Variants in ZFR2 observed in about 807,000 individuals in gnomAD.
The protein encoded by ZFR2 is zinc finger RNA binding protein 2.
Under a neutral mutation model 105.7 loss-of-function variants are expected in ZFR2, and 104 were observed. The observed-to-expected ratio is 0.98, with a 90% CI of 0.84 to 1.16. The LOEUF (loss-of-function observed/expected upper bound fraction) is 1.16. Among genes scored for constraint, ZFR2 ranks in the 50% most tolerant of loss-of-function variants. The pLI, the probability that ZFR2 is intolerant of heterozygous loss-of-function variation, is 0.00. For synonymous variants in ZFR2, 634 were observed against 597.7 expected (o/e 1.06, Z -0.89); for missense variants, 1,425 against 1,355.5 (o/e 1.05, Z -0.80).
chr19:3,865,630 C>T (rs1169057110), intron 1 of ZFR2, among the ~76,000 whole-genome samples: 2 of 152,088 alleles, frequency 1.3e-5, no homozygotes, highest in East Asian at 1.9e-4. Flanking sequence ...AGTGCTGGAG[C>T]GACAGGCATG....
rs577623813 is a variant in ZFR2, at chr19:3,858,674, C to T, written c.53+10291G>A. 1.4e-4 allele frequency among the ~76,000 whole-genome samples: 21 copies of T among 152,212 alleles called. No homozygotes were observed. The Middle Eastern group carries it at 0.01, about 74-fold the overall frequency. On this transcript the variant is annotated intron_variant, in intron 1 of 18. Transcript: ENST00000262961. This position sits in a 1 kb window ranked among gnomAD's most constrained non-coding sequence, Gnocchi z 4.3. ...CTCTACTAAAAATACAAAAATCAAC[C>T]GGGCATGGTGGTGCATGCCTGAAAT...
chr19:3,859,156 G>A (rs1159642341), intron 1 of ZFR2, among the ~76,000 whole-genome samples: 1 of 152,188 alleles, frequency 6.6e-6, no homozygotes, highest in African/African-American at 2.4e-5. Flanking sequence ...GCAGAGGAAC[G>A]TGGAAGGACT....
chr19:3,863,195 G>A (rs373288621), intron 1 of ZFR2, among the ~76,000 whole-genome samples: 8 of 152,310 alleles, frequency 5.3e-5, no homozygotes, highest in South Asian at 2.1e-4. Flanking sequence ...TTCTGAAGCC[G>A]GTTGCAGCCA....
At position 3,813,967 on chromosome 19, in the gene ZFR2, G is replaced by A. The variant is rs950899484; in HGVS notation, c.2104-9C>T. The A allele has an allele frequency of 3.1e-6, 5 of 1,613,390 alleles. No homozygotes were observed. Among genetic ancestry groups the A allele is most frequent in the Admixed American group, 1.7e-5 (1 of 59,912 alleles). Reference sequence around the variant, plus strand: ...TCATCCTCGGTCACCATCTGGGAGGGGTAAATACAACACAAGGCCACCTTA... The same window carrying A: ...TCATCCTCGGTCACCATCTGGGAGGAGTAAATACAACACAAGGCCACCTTA... On this transcript the variant is annotated splice_polypyrimidine_tract_variant and intron_variant, in intron 13 of 18. Coordinates refer to ENST00000262961, the MANE Select transcript of ZFR2 (RefSeq NM_015174.2). This position sits in a 1 kb window ranked among gnomAD's most constrained non-coding sequence, Gnocchi z 4.4.
chr19:3,850,854 G>A (rs530335315), intron 1 of ZFR2, among the ~76,000 whole-genome samples: 2 of 142,476 alleles, frequency 1.4e-5, no homozygotes, highest in South Asian at 4.8e-4. Flanking sequence ...GCAGTGAGCT[G>A]TGATCTCACC....
intron 13 of ZFR2, 140 bp from the exon 14 acceptor site, chr19:3,814,098 C>T: frequency 7.7e-7 from 1 of 1,303,954 alleles, no homozygotes; most frequent in South Asian, 1.4e-5. Context: ...GCCCTGTGCC[C>T]TGTGTCTGGA....
At chr19:3,807,747 T>TGTCG (rs1052912601) in intron 17 of ZFR2, among the ~76,000 whole-genome samples, 1 of 149,236 alleles carries the variant, frequency 6.7e-6, no homozygotes, top group Non-Finnish European at 1.5e-5. Context: ...CATGTGTGCC[T>TGTCG]GTGCATGCAT....
At chr19:3,819,852 C>CAAAAGAAAAAAAA (rs373530026) in intron 11 of ZFR2, among the ~76,000 whole-genome samples, 39 of 138,682 alleles carry the variant, frequency 2.8e-4, no homozygotes, top group African/African-American at 3.8e-4. Flanking sequence ...GACTCTGTCT[C>CAAAAGAAAAAAAA]AAAAAAAAAT....
chr19:3,832,798 G>A (rs1028349274), intron 3 of ZFR2, among the ~76,000 whole-genome samples: 5 of 151,736 alleles, frequency 3.3e-5, no homozygotes, highest in African/African-American at 7.3e-5. Flanking sequence ...ACCATGCCTG[G>A]CTAATTTTTT....
In ZFR2 at chr19:3,823,428, A is replaced by G. The variant is rs1337362887; in HGVS notation, c.1214-25T>C. 5 of 1,569,842 alleles carry G rather than the reference A, an allele frequency of 3.2e-6. No homozygotes were observed. The highest frequency in any genetic ancestry group is 4.3e-6 in the Non-Finnish European group (5 of 1,158,440). On this transcript the variant is annotated intron_variant, in intron 7 of 18. Transcript: ENST00000262961. This position sits in a 1 kb window ranked among gnomAD's most constrained non-coding sequence, Gnocchi z 5.4. ...CCTGAGGGGAAAAACCATGTCACTT[A>G]TACCCTGTTCCAGGAGAAAGCACTG...
intron 1 of ZFR2, among the ~76,000 whole-genome samples, chr19:3,839,988 T>C (rs928905149): frequency 6.6e-6 from 1 of 152,130 alleles, no homozygotes; most frequent in Admixed American, 6.5e-5. Context: ...GTTGTGTTTT[T>C]CAGTTACATG....
At chr19:3,837,734 G>A (rs926880662) in intron 1 of ZFR2, among the ~76,000 whole-genome samples, 1 of 150,086 alleles carries the variant, frequency 6.7e-6, no homozygotes, top group Non-Finnish European at 1.5e-5. Context: ...GATGAATGCT[G>A]TGACTGTGGA....
rs545345770 is a variant in ZFR2, at chr19:3,834,189, G to A, written c.265-411C>T. Among the ~76,000 whole-genome samples the A allele has an allele frequency of 1.3e-5, 2 of 152,284 alleles. No individual in the cohort carries two copies. The highest frequency in any genetic ancestry group is 1.9e-4 in the East Asian group (1 of 5,168). ...CTGATGCCGTTGACCGACACAATCTGGGGACGAGGTGCGGGTGGCAGAGCT... is the reference window on the plus strand; with the variant it reads ...CTGATGCCGTTGACCGACACAATCTAGGGACGAGGTGCGGGTGGCAGAGCT... On this transcript the variant is annotated intron_variant, in intron 2 of 18. Transcript: ENST00000262961. This position sits in a 1 kb window ranked among gnomAD's most constrained non-coding sequence, Gnocchi z 5.3.
At chr19:3,855,257 A>G (rs1438977060) in intron 1 of ZFR2, 15 of 740,978 alleles carry the variant, frequency 2.0e-5, no homozygotes, top group Non-Finnish European at 2.6e-5. Flanking sequence ...TTAGCATGGA[A>G]AATCATTTGC....
intron 5 of ZFR2, among the ~76,000 whole-genome samples, chr19:3,828,979 T>TA (rs397726627): frequency 1.3e-4 from 19 of 147,440 alleles, no homozygotes; most frequent in African/African-American, 4.0e-4. Flanking sequence ...TTTTTTTTTT[T>TA]AAGACGGAGT....
intron 3 of ZFR2, among the ~76,000 whole-genome samples, chr19:3,832,789 CCAT>C (rs1243969903): frequency 6.6e-6 from 1 of 151,976 alleles, no homozygotes; most frequent in Non-Finnish European, 1.5e-5. Flanking sequence ...GTGCACACCA[CCAT>C]GCCTGGCTAA....
chr19:3,861,800 CCTGTAGT>C (rs2038376801), intron 1 of ZFR2, among the ~76,000 whole-genome samples: 2 of 152,070 alleles, frequency 1.3e-5, no homozygotes, highest in African/African-American at 4.8e-5. Flanking sequence ...GTGGTGCATG[CCTGTAGT>C]CCCAGCTGCT....
rs1304501653 is a variant in ZFR2, at chr19:3,813,604, C to G, written c.2242+216G>C. Among the ~76,000 whole-genome samples the G allele has an allele frequency of 6.6e-6, 1 of 152,206 alleles. No homozygotes were observed. The highest frequency in any genetic ancestry group is 1.5e-5 in the Non-Finnish European group (1 of 68,038). The stretch of plus-strand genomic sequence containing the variant: ...AGGCCCCTGCAGCCAGGCTCTGAGC[C>G]CATCTGATGCTGTCACCGACTCGCC... On this transcript the variant is annotated intron_variant, in intron 14 of 18. Coordinates refer to ENST00000262961, the MANE Select transcript of ZFR2 (RefSeq NM_015174.2). The surrounding 1 kb of genome is among the most constrained non-coding windows in gnomAD (Gnocchi z 4.4).
chr19:3,829,734 G>A (rs897358531), intron 5 of ZFR2, among the ~76,000 whole-genome samples: 4 of 152,122 alleles, frequency 2.6e-5, no homozygotes, highest in African/African-American at 7.2e-5. Context: ...GGCTGGTCTC[G>A]AACTCCTGGG....
Sources: allele counts gnomAD v4.1 joint callset (sites outside exome capture counted in the v4.1 genomes callset), GRCh38; gene constraint gnomAD v4.1.1; non-coding constraint Gnocchi (gnomAD v3.1); transcripts MANE v1.5; gene names NCBI Gene and HGNC (gene_info 2026-07-23, HGNC 2026-07-21).